The following SRGAP3 variants were observed in gnomAD, a reference collection of about 807,000 sequenced individuals.
SRGAP3 encodes the protein SLIT-ROBO Rho GTPase-activating protein 3.
A neutral mutation model predicts 121.1 loss-of-function variants in SRGAP3; 39 were observed. The observed-to-expected ratio is 0.32, with a 90% CI of 0.25 to 0.42. The LOEUF (loss-of-function observed/expected upper bound fraction) is 0.42. SRGAP3 is among the 10% of genes least tolerant of loss of function. The pLI is 1.00. For synonymous variants in SRGAP3, 601 were observed against 570.0 expected, an observed-to-expected ratio of 1.05 and a Z score of -0.77; for missense variants, 1,213 against 1,470.6, an observed-to-expected ratio of 0.82 and a Z score of 2.86.
intron 3 of SRGAP3, among the ~76,000 whole-genome samples, chr3:9,260,255 GT>G (rs569139612): frequency 9.9e-5 from 15 of 152,110 alleles, no homozygotes; most frequent in African/African-American, 1.7e-4. Flanking sequence ...AGCTGCAGGA[GT>G]TTTTTTCGTA....
intron 3 of SRGAP3, among the ~76,000 whole-genome samples, chr3:9,307,447 T>C (rs1955177730): frequency 6.6e-6 from 1 of 152,144 alleles, no homozygotes; most frequent in South Asian, 2.1e-4. Flanking sequence ...TTACACACAA[T>C]GTGACTGAAC....
At chr3:9,321,664 A>AC (rs1408563550) in intron 3 of SRGAP3, among the ~76,000 whole-genome samples, 1 of 151,894 alleles carries the variant, frequency 6.6e-6, no homozygotes, top group Non-Finnish European at 1.5e-5. Flanking sequence ...GAATCAGATC[A>AC]TGTCTTTTAC....
At chr3:9,100,993 G>A (rs1948194203) in intron 3 of SRGAP3, among the ~76,000 whole-genome samples, 2 of 152,214 alleles carry the variant, frequency 1.3e-5, no homozygotes, top group East Asian at 3.9e-4. Context: ...CACGATTTCT[G>A]CCTTCAAGCA....
chr3:9,328,808 C>A (rs542480423), intron 2 of SRGAP3, among the ~76,000 whole-genome samples: 1 of 152,326 alleles, frequency 6.6e-6, no homozygotes, highest in African/African-American at 2.4e-5. Flanking sequence ...CACTGCTCTT[C>A]CCAGAAGGAA....
chr3:9,278,481 T>C (rs1457268195), intron 3 of SRGAP3, among the ~76,000 whole-genome samples: 2 of 152,178 alleles, frequency 1.3e-5, no homozygotes, highest in African/African-American at 4.8e-5. Context: ...AAAATGAGAT[T>C]GATAATATTG....
chr3:9,358,984 T>C (rs2030660583), intron 1 of SRGAP3, among the ~76,000 whole-genome samples: 2 of 152,132 alleles, frequency 1.3e-5, no homozygotes, highest in Non-Finnish European at 1.5e-5. Context: ...CACAGAGTGA[T>C]TGCCCAATAT....
At chr3:9,160,273 T>C (rs1236315233) in intron 1 of SRGAP3, among the ~76,000 whole-genome samples, 7 of 152,224 alleles carry the variant, frequency 4.6e-5, no homozygotes, top group African/African-American at 1.7e-4. Flanking sequence ...TCCCCCTAAG[T>C]GTGGGACATA....
chr3:9,226,701 T>C (rs1263961199), intron 1 of SRGAP3, among the ~76,000 whole-genome samples: 1 of 152,222 alleles, frequency 6.6e-6, no homozygotes. Context: ...GGCAAGACTT[T>C]ACACTTTTTC....
intron 3 of SRGAP3, chr3:9,256,928 A>G: frequency 2.5e-6 from 1 of 398,452 alleles, no homozygotes. Flanking sequence ...AATAGATTCT[A>G]GAGCTGAGTT....
intron 18 of SRGAP3, 29 bp downstream of exon 18, chr3:9,010,279 C>A: frequency 6.2e-7 from 1 of 1,613,746 alleles, no homozygotes; most frequent in Non-Finnish European, 8.5e-7. Context: ...CAGGAAGAAT[C>A]CCTTGTCCCC....
At chr3:9,293,416 A>G (rs888963310) in intron 3 of SRGAP3, 1 of 152,162 alleles carries the variant, frequency 6.6e-6, no homozygotes, top group African/African-American at 2.4e-5. Flanking sequence ...GATCTTAATG[A>G]CTCAGAAATA....
chr3:9,161,654 A>G, intron 1 of SRGAP3, among the ~76,000 whole-genome samples: 1 of 152,192 alleles, frequency 6.6e-6, no homozygotes, highest in East Asian at 1.9e-4. Flanking sequence ...ACAGAGTTGC[A>G]TTCTCCTTTC....
At chr3:9,254,573 C>T (rs1954085604), upstream of SRGAP3, among the ~76,000 whole-genome samples, 1 of 151,998 alleles carries the variant, frequency 6.6e-6, no homozygotes, top group Non-Finnish European at 1.5e-5. Context: ...GCAGGAGGAT[C>T]GCTTGAGCTC....
At chr3:9,011,673 C>G (rs1943385067) in intron 17 of SRGAP3, among the ~76,000 whole-genome samples, 1 of 151,254 alleles carries the variant, frequency 6.6e-6, no homozygotes, top group African/African-American at 2.5e-5. Flanking sequence ...CATCAGAGCT[C>G]CTGCACCAGG....
At chr3:9,210,919 T>A (rs991092791) in intron 1 of SRGAP3, among the ~76,000 whole-genome samples, 1 of 152,182 alleles carries the variant, frequency 6.6e-6, no homozygotes, top group Non-Finnish European at 1.5e-5. Flanking sequence ...GTATAAATAA[T>A]ATCTGATTGT....
At chr3:9,233,786 C>A (rs1400900344) in intron 1 of SRGAP3, among the ~76,000 whole-genome samples, 1 of 152,214 alleles carries the variant, frequency 6.6e-6, no homozygotes, top group Non-Finnish European at 1.5e-5. Flanking sequence ...ACCACTCCTT[C>A]CATAACACTC....
intron 1 of SRGAP3, among the ~76,000 whole-genome samples, chr3:9,220,334 A>AT (rs58906925): frequency 0.32 from 49,347 of 151,926 alleles, 8,510 homozygotes; most frequent in East Asian, 0.7. Flanking sequence ...AATTAAAGCA[A>AT]TTTTTTAAAA....
At chr3:9,032,194 TA>T (rs897512308) in intron 12 of SRGAP3, among the ~76,000 whole-genome samples, 30 of 150,414 alleles carry the variant, frequency 2.0e-4, no homozygotes, top group African/African-American at 4.6e-4. Flanking sequence ...TATATGCAAC[TA>T]AAAAAAAAAT....
At chr3:9,019,197 G>A (rs1326459055) in intron 14 of SRGAP3, among the ~76,000 whole-genome samples, 3 of 152,206 alleles carry the variant, frequency 2.0e-5, no homozygotes, top group Non-Finnish European at 4.4e-5. Context: ...TGTATGCACA[G>A]AGGCAGATTT....
Sources: gnomAD v4.1 joint callset for allele counts (sites outside exome capture counted in the v4.1 genomes callset) on GRCh38, gnomAD v4.1.1 for gene constraint, MANE v1.5 for transcripts, NCBI Gene and HGNC (gene_info 2026-07-23, HGNC 2026-07-21) for gene names.